The following SCN2A variants were observed in gnomAD, a reference collection of about 807,000 sequenced individuals.
The protein encoded by SCN2A is sodium voltage-gated channel alpha subunit 2.
A neutral mutation model predicts 188.7 loss-of-function variants in SCN2A; 20 were observed. The ratio of observed to expected loss-of-function variants is 0.11; its 90% CI spans 0.07 to 0.15. The LOEUF (loss-of-function observed/expected upper bound fraction) is 0.15, where lower values mean the gene tolerates loss of function less well. Among genes scored for constraint, SCN2A ranks in the 10% least tolerant of loss-of-function variants. The pLI is 1.00. For missense variants in SCN2A, 1,278 were observed against 2,445.0 expected (o/e 0.52, Z 10.07); for synonymous variants, 804 against 833.1 (o/e 0.97, Z 0.60).
intron 17 of SCN2A, among the ~76,000 whole-genome samples, chr2:165,361,146 AATTG>A (rs1700440910): frequency 6.6e-6 from 1 of 152,002 alleles, no homozygotes; most frequent in Non-Finnish European, 1.5e-5. Flanking sequence ...AAAGTCATTT[AATTG>A]ATGTTATCAA....
intron 3 of SCN2A, among the ~76,000 whole-genome samples, chr2:165,307,034 A>G (rs1176602124): frequency 6.6e-6 from 1 of 152,076 alleles, no homozygotes. Context: ...TTTTAATGTC[A>G]AGGAAAGTGA....
At chr2:165,363,645 T>C (rs1700575568) in intron 17 of SCN2A, among the ~76,000 whole-genome samples, 2 of 152,178 alleles carry the variant, frequency 1.3e-5, no homozygotes, top group African/African-American at 2.4e-5. Context: ...TAGAAAAACA[T>C]GTAATGTTTC....
intron 8 of SCN2A, among the ~76,000 whole-genome samples, chr2:165,312,563 A>G (rs971579602): frequency 3.9e-5 from 6 of 152,110 alleles, no homozygotes; most frequent in African/African-American, 1.2e-4. Context: ...ACTCCATCAT[A>G]TAATCTCATT....
chr2:165,315,051 A>G (rs1020079732), intron 10 of SCN2A, among the ~76,000 whole-genome samples: 8 of 152,224 alleles, frequency 5.3e-5, no homozygotes, highest in Non-Finnish European at 1.0e-4. Context: ...ACATTTAATA[A>G]TTCAGACTAG....
chr2:165,243,181 A>C (rs974100436), intron 1 of SCN2A, among the ~76,000 whole-genome samples: 1 of 152,190 alleles, frequency 6.6e-6, no homozygotes, highest in African/African-American at 2.4e-5. Context: ...GCCAACACAT[A>C]TCTATTATAC....
chr2:165,296,610 G>C (rs1258875040), intron 2 of SCN2A: 1 of 182,450 alleles, frequency 5.5e-6, no homozygotes. Context: ...CAGGTGACTT[G>C]TAGGTGCCAA....
intron 15 of SCN2A, among the ~76,000 whole-genome samples, chr2:165,344,072 C>T (rs898083248): frequency 1.3e-5 from 2 of 152,146 alleles, no homozygotes; most frequent in African/African-American, 4.8e-5. Flanking sequence ...GAAACTGGAT[C>T]TCTGCTAATT....
At chr2:165,377,530 A>G (rs1471464717) in intron 22 of SCN2A, 67 bp from the exon 23 acceptor site, 5 of 1,331,966 alleles carry the variant, frequency 3.8e-6, no homozygotes, top group African/African-American at 3.0e-5. Context: ...ATTTTGATCA[A>G]TTATTCAATT....
rs551036439 is a variant in SCN2A, at chr2:165,331,025, G to C, written c.2150-305G>C. Among the ~76,000 whole-genome samples the C allele has an allele frequency of 9.9e-5, 15 of 152,192 alleles. No homozygotes were observed. In the South Asian group the frequency reaches 2.3e-3, roughly 23 times the overall value. ...GAACATGGATGAGCTTTAAGTGTAT[G>C]CAATGCAAGTTCTACCCATTAGTTT... On this transcript the variant is annotated intron_variant, in intron 13 of 26. Transcript: ENST00000375437.
intron 23 of SCN2A, among the ~76,000 whole-genome samples, chr2:165,378,242 C>A (rs1428358854): frequency 6.9e-6 from 1 of 145,866 alleles, no homozygotes; most frequent in East Asian, 2.0e-4. Flanking sequence ...AGATTGATTT[C>A]TGGTATGCCA....
intron 1 of SCN2A, chr2:165,241,161 T>C (rs904547858): frequency 6.6e-6 from 1 of 151,088 alleles, no homozygotes; most frequent in African/African-American, 2.4e-5. Flanking sequence ...TGTGTGTGCA[T>C]GTGTGTGTGT....
In SCN2A at chr2:165,367,463, G is replaced by T. The variant is rs989579229; in HGVS notation, c.3675+92G>T. The T allele has an allele frequency of 2.9e-6, 4 of 1,372,980 alleles. No individual in the cohort carries two copies. The African/African-American group carries it at 5.7e-5, about 20-fold the overall frequency. 85.0% of individuals were successfully genotyped at this position (1,372,980 alleles called of 1,614,324 possible). On this transcript the variant is annotated intron_variant, in intron 19 of 26. Transcript: ENST00000375437. Reference sequence around the variant, plus strand: ...TCATATTACCCACTTTTAAATTAAGGTGTTTGTAAGAATGAGAAGAAATAT... The same window carrying T: ...TCATATTACCCACTTTTAAATTAAGTTGTTTGTAAGAATGAGAAGAAATAT...
At chr2:165,280,709 G>A (rs748796965) in intron 1 of SCN2A, among the ~76,000 whole-genome samples, 3 of 152,064 alleles carry the variant, frequency 2.0e-5, no homozygotes, top group Non-Finnish European at 2.9e-5. Flanking sequence ...CTTCTGTAGG[G>A]CTTTGTTTGG....
At chr2:165,288,808 A>G (rs1695972779) in intron 1 of SCN2A, among the ~76,000 whole-genome samples, 1 of 152,050 alleles carries the variant, frequency 6.6e-6, no homozygotes. Context: ...GCAAGTAACA[A>G]TCAAAAAGTT....
chr2:165,354,874 T>C (rs1188637664), intron 17 of SCN2A, among the ~76,000 whole-genome samples: 1 of 152,236 alleles, frequency 6.6e-6, no homozygotes, highest in African/African-American at 2.4e-5. Flanking sequence ...TGCTGACTTA[T>C]GTTTCCAATA....
chr2:165,242,726 A>T (rs1176136431), intron 1 of SCN2A, among the ~76,000 whole-genome samples: 1 of 152,180 alleles, frequency 6.6e-6, no homozygotes, highest in Non-Finnish European at 1.5e-5. Flanking sequence ...AGAGTAAGGT[A>T]TGAAGTCAGT....
At chr2:165,320,798 T>A (rs1354179390) in intron 11 of SCN2A, among the ~76,000 whole-genome samples, 1 of 152,152 alleles carries the variant, frequency 6.6e-6, no homozygotes, top group East Asian at 1.9e-4. Context: ...ACCCGGCACA[T>A]GAAACCACTT....
intron 15 of SCN2A, 73 bp downstream of exon 15, chr2:165,342,542 G>T (rs1401004265): frequency 1.3e-6 from 2 of 1,482,992 alleles, no homozygotes; most frequent in Middle Eastern, 1.8e-4. Flanking sequence ...AGTAAAAATG[G>T]CAAGATTTCC....
At chr2:165,292,843 C>T (rs779910238) in intron 1 of SCN2A, among the ~76,000 whole-genome samples, 11 of 152,122 alleles carry the variant, frequency 7.2e-5, no homozygotes, top group Non-Finnish European at 1.2e-4. Flanking sequence ...AATGAAAGCA[C>T]TTATCCAATA....
Sources: allele counts gnomAD v4.1 joint callset (sites outside exome capture counted in the v4.1 genomes callset), GRCh38; gene constraint gnomAD v4.1.1; transcripts MANE v1.5; gene names NCBI Gene and HGNC (gene_info 2026-07-23, HGNC 2026-07-21).